RBM33: variants seen among roughly 807,000 people sequenced by gnomAD.
The protein encoded by RBM33 is RNA binding motif protein 33.
Under a neutral mutation model 132.6 loss-of-function variants are expected in RBM33, and 28 were observed. That is an observed-to-expected ratio of 0.21 (90% CI 0.16 to 0.29). The LOEUF (loss-of-function observed/expected upper bound fraction) is 0.29. Ranked by LOEUF, RBM33 falls within the 10% of genes least tolerant of loss-of-function variation. The pLI, the probability that RBM33 is intolerant of heterozygous loss-of-function variation, is 1.00. For missense variants in RBM33, 1,291 were observed against 1,518.5 expected (o/e 0.85, Z 2.49); for synonymous variants, 634 against 593.0 (o/e 1.07, Z -1.01).
At chr7:155,763,043 G>A (rs1802088399) in intron 14 of RBM33, among the ~76,000 whole-genome samples, 1 of 152,202 alleles carries the variant, frequency 6.6e-6, no homozygotes, top group Non-Finnish European at 1.5e-5. Flanking sequence ...AACAACATTG[G>A]TGGTGCAGTT....
intron 9 of RBM33, among the ~76,000 whole-genome samples, chr7:155,723,766 T>G (rs1391890630): frequency 6.6e-6 from 1 of 152,230 alleles, no homozygotes; most frequent in African/African-American, 2.4e-5. Flanking sequence ...ATTGGTTTCT[T>G]GTTTCTTCTG....
rs181077927 is a variant in RBM33 at position 155,675,384 on chromosome 7, A to T, written c.171+2469A>T. On this transcript the variant is annotated intron_variant, in intron 3 of 17. Coordinates refer to ENST00000401878, the MANE Select transcript of RBM33 (RefSeq NM_053043.3). The stretch of plus-strand genomic sequence containing the variant: ...GTATCATTGGCATTTCTCCCTTGTC[A>T]TTAGGGTTATTTTAAAATATTTTAT... Among the ~76,000 whole-genome samples, 77 of 151,292 alleles carry T rather than the reference A, an allele frequency of 5.1e-4. 1 individual carries two copies. Among genetic ancestry groups the T allele is most frequent in the African/African-American group, 1.8e-3 (73 of 41,174 alleles).
chr7:155,691,665 G>T (rs1799646109), intron 5 of RBM33, among the ~76,000 whole-genome samples: 1 of 152,136 alleles, frequency 6.6e-6, no homozygotes, highest in Non-Finnish European at 1.5e-5. Context: ...CATTGCCTGG[G>T]TGCCTTCTGG....
intron 2 of RBM33, among the ~76,000 whole-genome samples, chr7:155,666,629 T>A (rs1293117724): frequency 6.6e-6 from 1 of 152,218 alleles, no homozygotes; most frequent in Non-Finnish European, 1.5e-5. Context: ...GATGGTGAGC[T>A]GAATAAAATA....
intron 3 of RBM33, among the ~76,000 whole-genome samples, chr7:155,673,800 A>C (rs113783677): frequency 0.03 from 4,291 of 141,884 alleles, 164 homozygotes; most frequent in African/African-American, 0.051. Context: ...ACACACACAC[A>C]CCCCTACCAG....
rs1400590848 is a variant in RBM33, at chr7:155,737,610, C to G, written c.1341C>G (p.Asp447Glu). 9 of 1,612,112 alleles carry G rather than the reference C, an allele frequency of 5.6e-6. No homozygotes were observed. The highest frequency in any genetic ancestry group is 1.3e-5 in the African/African-American group (1 of 74,786). Reference protein sequence around the residue: ...FSQPPRLPLQDQWRAPPPPQD... With the variant: ...FSQPPRLPLQEQWRAPPPPQD... ...AGCCCCCACGACTCCCTCTCCAGGACCAGTGGAGAGCCCCACCCCCGCCTC... is the reference window on the plus strand; with the variant it reads ...AGCCCCCACGACTCCCTCTCCAGGAGCAGTGGAGAGCCCCACCCCCGCCTC... The change falls in exon 10 of 18, where the codon GAC (aspartate) becomes GAG (glutamate). Residue 447 changes from aspartate (D) to glutamate (E), a missense_variant. Physicochemically the swap from Asp to Glu is conservative, Grantham distance 45 (BLOSUM62 2). Coordinates refer to ENST00000401878, the MANE Select transcript of RBM33 (RefSeq NM_053043.3).
intron 3 of RBM33, among the ~76,000 whole-genome samples, chr7:155,673,939 A>AGTTGTTTTTT (rs144951964): frequency 7.0e-5 from 1 of 14,348 alleles, no homozygotes; most frequent in African/African-American, 2.8e-4. Flanking sequence ...GTTTAGGCTT[A>AGTTGTTTTTT]GTTTTTTTTT....
At chr7:155,701,446 T>G (rs934146740) in intron 6 of RBM33, 1 of 161,602 alleles carries the variant, frequency 6.2e-6, no homozygotes, top group Admixed American at 6.1e-5. Flanking sequence ...ATAATCACTC[T>G]GAGCAAAGCT....
chr7:155,716,330 T>TTTTTTTTTG, intron 8 of RBM33, among the ~76,000 whole-genome samples: 1 of 149,840 alleles, frequency 6.7e-6, no homozygotes, highest in Non-Finnish European at 1.5e-5. Flanking sequence ...TTTTTTTTTT[T>TTTTTTTTTG]TTAAATAGGG....
intron 10 of RBM33, 44 bp from the exon 11 acceptor site, chr7:155,738,016 T>C: frequency 6.6e-7 from 1 of 1,521,350 alleles, no homozygotes. Flanking sequence ...GAGAAGCACA[T>C]GGTCTTTTTA....
chr7:155,721,437 G>T (rs1003529851), intron 9 of RBM33, among the ~76,000 whole-genome samples: 1 of 152,014 alleles, frequency 6.6e-6, no homozygotes, highest in African/African-American at 2.4e-5. Context: ...TTTACTTGTT[G>T]TATTCAAGAA....
intron 1 of RBM33, among the ~76,000 whole-genome samples, chr7:155,660,432 T>C (rs191216089): frequency 6.6e-6 from 1 of 152,172 alleles, no homozygotes; most frequent in Non-Finnish European, 1.5e-5. Context: ...CAGCATATAT[T>C]TTTTGGGGAT....
At chr7:155,694,476 G>C (rs1799736884) in intron 5 of RBM33, among the ~76,000 whole-genome samples, 1 of 152,176 alleles carries the variant, frequency 6.6e-6, no homozygotes, top group Non-Finnish European at 1.5e-5. Context: ...TTTACACTTA[G>C]AGATAAGCAT....
At position 155,780,794 on chromosome 7, in the gene RBM33, C is replaced by CTCAA. The variant is rs1554490932; in HGVS notation, c.*5754_*5757dup. The CTCAA allele has an allele frequency of 2.0e-5, 3 of 152,538 alleles. No homozygotes were observed. The highest frequency in any genetic ancestry group is 7.2e-5 in the African/African-American group (3 of 41,448). The allele number at this position is 152,538 out of a possible 1,614,324, so 9.4% of individuals were successfully genotyped here. On this transcript the variant is annotated 3_prime_UTR_variant, in exon 18 of 18. Coordinates refer to ENST00000401878, the MANE Select transcript of RBM33 (RefSeq NM_053043.3). ...CACTGTGTTTACCACTCCATCACCT[C>CTCAA]TCAACCTTTGCTTCGACAGGTCTTC...
intron 7 of RBM33, 168 bp downstream of exon 7, chr7:155,707,236 A>G: frequency 1.4e-6 from 1 of 723,800 alleles, no homozygotes; most frequent in Non-Finnish European, 2.5e-6. Flanking sequence ...TGTTGCATAT[A>G]GTCTTAGAAA....
intron 11 of RBM33, chr7:155,739,472 C>T: frequency 7.7e-6 from 4 of 521,536 alleles, no homozygotes; most frequent in Non-Finnish European, 1.4e-5. Context: ...TGTCTGCATA[C>T]CTAGTTTTCC....
rs756091826 is a variant in RBM33, at chr7:155,739,800, C to T, written c.1823C>T (p.Pro608Leu). The T allele has an allele frequency of 1.7e-5, 25 of 1,501,474 alleles. No individual in the cohort carries two copies. Among genetic ancestry groups the T allele is most frequent in the African/African-American group, 5.6e-5 (4 of 71,050 alleles). The allele number at this position is 1,501,474 out of a possible 1,614,324, so 93.0% of individuals were successfully genotyped here. A position where few individuals can be genotyped will look rare whatever the true frequency, so the allele number is the denominator to read the frequency against. Residue 608 changes from proline (P) to leucine (L), a missense_variant, in exon 12 of 18, where the codon CCG becomes CTG. Around this residue, in one of 7 missense-constraint regions of RBM33, gnomAD observed 841 missense variants for 912.0 expected, o/e 0.92. Coordinates refer to ENST00000401878, the MANE Select transcript of RBM33 (RefSeq NM_053043.3). ...QQQPPPQHQP[P>L]HQPPHQPPPQ... ...CAGCCCCCGCCACAGCACCAGCCTC[C>T]GCACCAGCCCCCGCACCAGCCCCCG...
chr7:155,739,530 G>C, intron 11 of RBM33, 185 bp from the exon 12 acceptor site: 1 of 627,412 alleles, frequency 1.6e-6, no homozygotes, highest in Non-Finnish European at 2.7e-6. Flanking sequence ...TAAAATTTAA[G>C]GTAATAGCTT....
chr7:155,731,073 T>C (rs1337041342), intron 9 of RBM33, among the ~76,000 whole-genome samples: 1 of 152,256 alleles, frequency 6.6e-6, no homozygotes, highest in East Asian at 1.9e-4. Context: ...TCCTTTTCCC[T>C]GATCACAACC....
Sources: gnomAD v4.1 joint callset for allele counts (sites outside exome capture counted in the v4.1 genomes callset) on GRCh38, gnomAD v4.1.1 for gene constraint, gnomAD v4.1.1 regional missense constraint, MANE v1.5 for transcripts, NCBI Gene and HGNC (gene_info 2026-07-23, HGNC 2026-07-21) for gene names.